The following HDAC9 variants were observed in gnomAD, a reference collection of about 807,000 sequenced individuals.
The protein encoded by HDAC9 is MEF-2 interacting transcription repressor (MITR) protein.
Under a neutral mutation model 139.4 loss-of-function variants are expected in HDAC9, and 41 were observed. The ratio of observed to expected loss-of-function variants is 0.29; its 90% CI spans 0.23 to 0.38. The LOEUF is 0.38. Ranked by LOEUF, HDAC9 falls within the 10% of genes least tolerant of loss-of-function variation. HDAC9 has a pLI of 1.00. For missense variants in HDAC9, 1,147 were observed against 1,297.0 expected (o/e 0.88, Z 1.78); for synonymous variants, 517 against 476.2 (o/e 1.09, Z -1.12).
intron 24 of HDAC9, among the ~76,000 whole-genome samples, chr7:18,966,797 A>T (rs1330472813): frequency 6.6e-6 from 1 of 152,164 alleles, no homozygotes; most frequent in East Asian, 1.9e-4. Context: ...AATAGAAAGG[A>T]CCAGCCTTCC....
intron 2 of HDAC9, among the ~76,000 whole-genome samples, chr7:18,554,853 C>G (rs1818315571): frequency 6.6e-6 from 1 of 152,200 alleles, no homozygotes; most frequent in South Asian, 2.1e-4. Context: ...ATCTCTGTCA[C>G]TGTCTTCTAG....
chr7:18,419,697 A>G (rs1261558626), intron 1 of HDAC9, among the ~76,000 whole-genome samples: 1 of 152,240 alleles, frequency 6.6e-6, no homozygotes, highest in Non-Finnish European at 1.5e-5. Flanking sequence ...TTGGAAACCA[A>G]AGGAAACAGA....
At chr7:18,577,815 A>C (rs1442079974) in intron 2 of HDAC9, among the ~76,000 whole-genome samples, 2 of 152,212 alleles carry the variant, frequency 1.3e-5, no homozygotes, top group African/African-American at 4.8e-5. Context: ...ATAAGTCTAG[A>C]GAGGTGTCGG....
intron 22 of HDAC9, among the ~76,000 whole-genome samples, chr7:18,891,806 CCACATAGGA>C (rs1464966454): frequency 1.3e-5 from 2 of 152,174 alleles, no homozygotes; most frequent in Non-Finnish European, 2.9e-5. Flanking sequence ...GACCCACCTT[CCACATAGGA>C]CACATAGGAC....
At chr7:18,566,296 A>C (rs909223102) in intron 2 of HDAC9, among the ~76,000 whole-genome samples, 2 of 152,214 alleles carry the variant, frequency 1.3e-5, no homozygotes, top group African/African-American at 4.8e-5. Flanking sequence ...GTAGTTTTTA[A>C]TTAGATAAAG....
intron 21 of HDAC9, among the ~76,000 whole-genome samples, chr7:18,865,896 A>G (rs1798458566): frequency 6.6e-6 from 1 of 151,998 alleles, no homozygotes; most frequent in Non-Finnish European, 1.5e-5. Flanking sequence ...ATTAGACTAT[A>G]GAGAAAAAAG....
intron 11 of HDAC9, 99 bp from the exon 12 acceptor site, chr7:18,666,114 A>C: frequency 2.4e-6 from 3 of 1,251,926 alleles, no homozygotes; most frequent in Non-Finnish European, 3.3e-6. Context: ...CAATGATTAG[A>C]AATCACAGTG....
chr7:18,553,049 A>G (rs1817648428), intron 2 of HDAC9, among the ~76,000 whole-genome samples: 1 of 152,174 alleles, frequency 6.6e-6, no homozygotes, highest in East Asian at 1.9e-4. Context: ...GGTCTTTTGA[A>G]AGATAATAGC....
At chr7:18,979,442 C>T (rs76719159) in intron 25 of HDAC9, among the ~76,000 whole-genome samples, 2,216 of 152,220 alleles carry the variant, frequency 0.015, 35 homozygotes, top group South Asian at 0.028. Context: ...CTAAATGTTG[C>T]ACAAATTATT....
intron 25 of HDAC9, among the ~76,000 whole-genome samples, chr7:18,982,835 A>T (rs953690145): frequency 6.6e-6 from 1 of 152,122 alleles, no homozygotes; most frequent in African/African-American, 2.4e-5. Context: ...TTATTATTGT[A>T]CATTACTCCA....
chr7:18,422,702 G>T (rs982944179), intron 1 of HDAC9, among the ~76,000 whole-genome samples: 11 of 150,622 alleles, frequency 7.3e-5, no homozygotes, highest in Non-Finnish European at 1.5e-5. Flanking sequence ...GTAGCAGCAG[G>T]TCACAGGCCA....
At chr7:18,732,777 G>C (rs1399176388) in intron 13 of HDAC9, among the ~76,000 whole-genome samples, 1 of 80,780 alleles carries the variant, frequency 1.2e-5, no homozygotes, top group Middle Eastern at 6.8e-3. Flanking sequence ...GTGCGTATGT[G>C]TACACACACG....
At chr7:18,356,536 G>A (rs2128682079) in intron 1 of HDAC9, among the ~76,000 whole-genome samples, 1 of 151,928 alleles carries the variant, frequency 6.6e-6, no homozygotes, top group Non-Finnish European at 1.5e-5. Context: ...CCTGTTAGTT[G>A]CTCCCTTTCA....
At chr7:18,976,199 A>G (rs2240280) in intron 25 of HDAC9, among the ~76,000 whole-genome samples, 126,010 of 152,276 alleles carry the variant, frequency 0.83, 52,508 homozygotes, top group African/African-American at 0.92. Flanking sequence ...GGATGAGATA[A>G]ATGGTGAGAA....
At chr7:18,430,673 G>A (rs1790560057) in intron 1 of HDAC9, 1 of 152,016 alleles carries the variant, frequency 6.6e-6, no homozygotes, top group African/African-American at 2.4e-5. Context: ...CTTGTGGCCA[G>A]TAGTTGGAGA....
At chr7:18,666,148 G>A in intron 11 of HDAC9, 65 bp from the exon 12 acceptor site, 3 of 1,462,096 alleles carry the variant, frequency 2.1e-6, no homozygotes, top group Admixed American at 2.2e-5. Flanking sequence ...AAATCAAAGT[G>A]TAATTTGCTT....
intron 1 of HDAC9, among the ~76,000 whole-genome samples, chr7:18,445,090 G>T (rs545097542): frequency 6.6e-6 from 1 of 152,132 alleles, no homozygotes; most frequent in Non-Finnish European, 1.5e-5. Flanking sequence ...AGAAAGGCAG[G>T]AGTTTGCATT....
intron 2 of HDAC9, among the ~76,000 whole-genome samples, chr7:18,183,896 T>A (rs983689605): frequency 1.3e-5 from 2 of 152,186 alleles, no homozygotes; most frequent in South Asian, 4.1e-4. Context: ...CCCTGAAACT[T>A]TTTTCATTCT....
At chr7:18,373,239 G>A (rs962635345) in intron 1 of HDAC9, among the ~76,000 whole-genome samples, 1 of 152,110 alleles carries the variant, frequency 6.6e-6, no homozygotes, top group East Asian at 1.9e-4. Context: ...GCACTAACGA[G>A]TAAGAAAAGG....
Sources: gnomAD v4.1 joint callset for allele counts (sites outside exome capture counted in the v4.1 genomes callset) on GRCh38, gnomAD v4.1.1 for gene constraint, MANE v1.5 for transcripts, NCBI Gene and HGNC (gene_info 2026-07-23, HGNC 2026-07-21) for gene names.